The following ERAP1 variants were observed in gnomAD, a reference collection of about 807,000 sequenced individuals.
ERAP1 encodes the protein adipocyte-derived leucine aminopeptidase.
A neutral mutation model predicts 103.7 loss-of-function variants in ERAP1; 86 were observed. The ratio of observed to expected loss-of-function variants is 0.83; its 90% CI spans 0.70 to 0.99. The LOEUF is 0.99. ERAP1 is among the 50% of genes least tolerant of loss of function. The probability of loss-of-function intolerance (pLI) is 0.00; values close to 1 mark genes in which losing one functional copy is unlikely to be tolerated. For synonymous variants in ERAP1, 398 were observed against 402.4 expected (o/e 0.99, Z 0.13); for missense variants, 1,009 against 1,128.4 (o/e 0.89, Z 1.52).
intron 15 of ERAP1, among the ~76,000 whole-genome samples, chr5:96,782,267 C>T (rs1349432279): frequency 6.6e-6 from 1 of 152,014 alleles, no homozygotes; most frequent in African/African-American, 2.4e-5. Context: ...CCTCAGCCTC[C>T]CAAAGTGCTG....
At chr5:96,769,491 GGTTTACAACATGGTA>G (rs1771439778), downstream of ERAP1, 1 of 151,074 alleles carries the variant, frequency 6.6e-6, no homozygotes, top group Non-Finnish European at 1.5e-5. Flanking sequence ...GTATATTTGA[GGTTTACAACATGGTA>G]GTTTGGGATG....
At chr5:96,810,627 G>A (rs547102632), upstream of ERAP1, among the ~76,000 whole-genome samples, 6 of 152,262 alleles carry the variant, frequency 3.9e-5, no homozygotes, top group South Asian at 1.0e-3. Context: ...GGCCGGTTGA[G>A]CCCATCCATT....
chr5:96,893,529 G>A, the ERAP1 span, among the ~76,000 whole-genome samples: 1 of 152,176 alleles, frequency 6.6e-6, no homozygotes, highest in African/African-American at 2.4e-5. Context: ...GAGCTCTAAA[G>A]CACTTAACTG....
the ERAP1 span, chr5:96,873,198 A>AG: frequency 5.3e-6 from 2 of 377,914 alleles, no homozygotes; most frequent in Non-Finnish European, 1.1e-5. Context: ...AAAAAAAAAA[A>AG]TCATGAAAAT....
chr5:96,850,044 A>T, the ERAP1 span, among the ~76,000 whole-genome samples: 44,552 of 152,122 alleles, frequency 0.29, 6,598 homozygotes, highest in East Asian at 0.33. Flanking sequence ...GGATATTCAT[A>T]TGCAGAAAAA....
the ERAP1 span, among the ~76,000 whole-genome samples, chr5:96,854,478 T>C: frequency 6.6e-6 from 1 of 152,278 alleles, no homozygotes; most frequent in South Asian, 2.1e-4. Flanking sequence ...CTGAGCACTC[T>C]TAATTTTTAT....
the ERAP1 span, among the ~76,000 whole-genome samples, chr5:96,891,950 CA>C: frequency 2.6e-5 from 4 of 152,146 alleles, no homozygotes; most frequent in Non-Finnish European, 5.9e-5. Context: ...TTAAAGTTTT[CA>C]GCAGTACTAA....
the ERAP1 span, among the ~76,000 whole-genome samples, chr5:96,852,288 A>G: frequency 6.6e-6 from 1 of 152,192 alleles, no homozygotes; most frequent in Non-Finnish European, 1.5e-5. Flanking sequence ...AACATGGACA[A>G]ATGCTGAGTG....
chr5:96,898,696 A>T, the ERAP1 span, among the ~76,000 whole-genome samples: 182 of 152,182 alleles, frequency 1.2e-3, no homozygotes, highest in African/African-American at 4.0e-3. Flanking sequence ...CTGAGATCAC[A>T]CCACTGGACT....
At chr5:96,862,281 G>A in the ERAP1 span, among the ~76,000 whole-genome samples, 2 of 152,146 alleles carry the variant, frequency 1.3e-5, no homozygotes, top group Non-Finnish European at 2.9e-5. Context: ...GAGCCACCCT[G>A]CCCAGTCTAA....
At chr5:96,900,306 C>A in the ERAP1 span, 1 of 1,419,620 alleles carries the variant, frequency 7.0e-7, no homozygotes, top group South Asian at 1.7e-5. Flanking sequence ...GAAAGAGAGC[C>A]CCCACGATTT....
chr5:96,858,659 C>T, the ERAP1 span, among the ~76,000 whole-genome samples: 4 of 152,192 alleles, frequency 2.6e-5, no homozygotes, highest in Non-Finnish European at 5.9e-5. Context: ...GTCTTCATTA[C>T]TGAAGTTAGA....
chr5:96,889,098 C>T, the ERAP1 span: 32 of 1,482,968 alleles, frequency 2.2e-5, no homozygotes, highest in Non-Finnish European at 2.9e-5. Flanking sequence ...AAGATACAGT[C>T]TGCCTTTCTG....
At chr5:96,808,919 C>A (rs892329617), upstream of ERAP1, among the ~76,000 whole-genome samples, 5 of 152,102 alleles carry the variant, frequency 3.3e-5, no homozygotes, top group Non-Finnish European at 7.4e-5. Context: ...AAAGTGAAAG[C>A]AAGTAATTAA....
At chr5:96,907,124 T>C in the ERAP1 span, among the ~76,000 whole-genome samples, 2 of 152,378 alleles carry the variant, frequency 1.3e-5, no homozygotes, top group African/African-American at 2.4e-5. Context: ...TGAAATCATA[T>C]ACAAGTAAGT....
the ERAP1 span, among the ~76,000 whole-genome samples, chr5:96,853,300 A>T: frequency 6.6e-6 from 1 of 152,158 alleles, no homozygotes; most frequent in African/African-American, 2.4e-5. Flanking sequence ...TCTCTGCCCC[A>T]GTTTGAAGCA....
At chr5:96,884,072 A>G in the ERAP1 span, 1 of 556,296 alleles carries the variant, frequency 1.8e-6, no homozygotes, top group South Asian at 3.0e-5. Context: ...CTATCTATCT[A>G]TCTATCTATC....
the ERAP1 span, among the ~76,000 whole-genome samples, chr5:96,837,438 G>A: frequency 6.6e-6 from 1 of 152,208 alleles, no homozygotes; most frequent in African/African-American, 2.4e-5. Context: ...GGAGTGCACG[G>A]GCGCTGGACC....
chr5:96,776,584 AT>A (rs781459492), intron 18 of ERAP1, 33 bp from the exon 19 acceptor site: 5 of 1,607,748 alleles, frequency 3.1e-6, no homozygotes, highest in Non-Finnish European at 4.2e-6. Context: ...TAAAAAATTA[AT>A]TTTATCACAT....
Sources: gnomAD v4.1 joint callset for allele counts (sites outside exome capture counted in the v4.1 genomes callset) on GRCh38, gnomAD v4.1.1 for gene constraint, MANE v1.5 for transcripts, NCBI Gene and HGNC (gene_info 2026-07-23, HGNC 2026-07-21) for gene names.